Variants in ULK4 observed in about 807,000 individuals in gnomAD.
ULK4 encodes the protein inactive serine/threonine-protein kinase ULK4.
A neutral mutation model predicts 160.6 loss-of-function variants in ULK4; 133 were observed. That is an observed-to-expected ratio of 0.83 (90% CI 0.72 to 0.96). The LOEUF is 0.96. Ranked by LOEUF, ULK4 falls within the 40% of genes least tolerant of loss-of-function variation. The pLI is 0.00. For missense variants in ULK4, 1,580 were observed against 1,499.5 expected (o/e 1.05, Z -0.89); for synonymous variants, 534 against 539.8 (o/e 0.99, Z 0.15).
intron 32 of ULK4, among the ~76,000 whole-genome samples, chr3:41,540,564 C>G (rs188910998): frequency 0.011 from 1,636 of 152,156 alleles, 32 homozygotes; most frequent in African/African-American, 0.037. Flanking sequence ...GTAATGGGAT[C>G]GCTGGGTCAA....
intron 2 of ULK4, among the ~76,000 whole-genome samples, chr3:41,945,655 CT>C (rs892948320): frequency 5.3e-5 from 8 of 152,194 alleles, no homozygotes; most frequent in Admixed American, 2.6e-4. Flanking sequence ...ATTTCCATCC[CT>C]CCAGAAAGCA....
At chr3:41,539,438 T>A (rs1206584687) in intron 32 of ULK4, among the ~76,000 whole-genome samples, 1 of 152,074 alleles carries the variant, frequency 6.6e-6, no homozygotes, top group Non-Finnish European at 1.5e-5. Context: ...CCCTCCACCT[T>A]ATTTTCTGAA....
chr3:41,840,421 G>C (rs987466274), intron 17 of ULK4, among the ~76,000 whole-genome samples: 3 of 152,132 alleles, frequency 2.0e-5, no homozygotes, highest in African/African-American at 7.2e-5. Context: ...TGTTGCCGAG[G>C]CTGGACTGTA....
At chr3:41,282,806 TAATTA>T (rs1262030558) in intron 35 of ULK4, among the ~76,000 whole-genome samples, 4 of 152,220 alleles carry the variant, frequency 2.6e-5, no homozygotes, top group African/African-American at 9.6e-5. Flanking sequence ...AAATGGGATC[TAATTA>T]AATTAAAGAG....
rs566044878 is a variant in ULK4 at position 41,370,273 on chromosome 3, T to C, written c.3678+27806A>G. The stretch of plus-strand genomic sequence containing the variant: ...TATTTTGGAGATGCAATTAATGAAA[T>C]CCATAATGTTTCTAGAAGTGTTTCA... On this transcript the variant is annotated intron_variant, in intron 35 of 36. Transcript: ENST00000301831. Among the ~76,000 whole-genome samples, 33 of 152,080 alleles carry C rather than the reference T, an allele frequency of 2.2e-4. No homozygotes were observed. The South Asian group carries it at 5.0e-3, about 23-fold the overall frequency.
chr3:41,771,100 A>G (rs1269838745), intron 21 of ULK4, among the ~76,000 whole-genome samples: 5 of 152,210 alleles, frequency 3.3e-5, no homozygotes, highest in Non-Finnish European at 7.4e-5. Context: ...AATACGGCTT[A>G]CCATAAGAAT....
intron 32 of ULK4, among the ~76,000 whole-genome samples, chr3:41,473,801 A>G (rs895919589): frequency 1.1e-4 from 16 of 151,856 alleles, no homozygotes; most frequent in Admixed American, 1.0e-3. Flanking sequence ...TGTACCCTGA[A>G]AACTATAGAA....
intron 35 of ULK4, among the ~76,000 whole-genome samples, chr3:41,381,496 C>T (rs1358148946): frequency 5.3e-5 from 8 of 152,202 alleles, no homozygotes; most frequent in Non-Finnish European, 7.4e-5. Flanking sequence ...TCTCTGCCCT[C>T]AAATCAGCTC....
chr3:41,634,852 A>G (rs886723727), intron 30 of ULK4, among the ~76,000 whole-genome samples: 3 of 152,238 alleles, frequency 2.0e-5, no homozygotes, highest in Non-Finnish European at 2.9e-5. Flanking sequence ...TATAACCTTA[A>G]CTGCTGCAAT....
chr3:41,887,144 A>ACCTGGC (rs1697754460), intron 16 of ULK4, among the ~76,000 whole-genome samples: 1 of 152,206 alleles, frequency 6.6e-6, no homozygotes, highest in Admixed American at 6.5e-5. Flanking sequence ...AAAGTCTTGG[A>ACCTGGC]CCTGGCCCTG....
intron 31 of ULK4, among the ~76,000 whole-genome samples, chr3:41,580,163 C>T (rs185046699): frequency 8.5e-5 from 13 of 152,226 alleles, no homozygotes; most frequent in African/African-American, 3.1e-4. Context: ...ATCCTTCTGC[C>T]GCTGTGCATG....
intron 29 of ULK4, among the ~76,000 whole-genome samples, chr3:41,675,231 T>A (rs909486428): frequency 1.3e-5 from 2 of 149,372 alleles, no homozygotes; most frequent in Non-Finnish European, 3.0e-5. Context: ...AAAGCAAGAC[T>A]CCGTCTCAAA....
chr3:41,584,531 C>T (rs556701811), intron 31 of ULK4, among the ~76,000 whole-genome samples: 1 of 152,202 alleles, frequency 6.6e-6, no homozygotes, highest in East Asian at 1.9e-4. Flanking sequence ...AAGTGATCCT[C>T]CTTCCTTGAT....
intron 18 of ULK4, among the ~76,000 whole-genome samples, chr3:41,831,931 T>C (rs963459384): frequency 6.6e-6 from 1 of 152,232 alleles, no homozygotes; most frequent in Non-Finnish European, 1.5e-5. Flanking sequence ...TGCCACATTT[T>C]CTTTATCCAG....
intron 32 of ULK4, among the ~76,000 whole-genome samples, chr3:41,501,634 C>G (rs2085212218): frequency 6.6e-6 from 1 of 152,086 alleles, no homozygotes; most frequent in Non-Finnish European, 1.5e-5. Context: ...ATTCACATAA[C>G]TATCACCTCA....
intron 7 of ULK4, 109 bp downstream of exon 7, chr3:41,918,346 TAA>T (rs1324521020): frequency 2.1e-5 from 14 of 651,884 alleles, no homozygotes; most frequent in Non-Finnish European, 3.3e-5. Context: ...GGATCATTTA[TAA>T]AAGATAACTT....
chr3:41,707,873 T>G (rs889952173), intron 25 of ULK4, among the ~76,000 whole-genome samples: 1 of 151,208 alleles, frequency 6.6e-6, no homozygotes, highest in Admixed American at 6.6e-5. Flanking sequence ...TAGACATTAC[T>G]CGAAAGAAGA....
intron 34 of ULK4, among the ~76,000 whole-genome samples, chr3:41,403,482 CTTCT>C (rs1207159515): frequency 2.6e-5 from 4 of 152,112 alleles, no homozygotes; most frequent in Admixed American, 6.6e-5. Flanking sequence ...TGTCTTCTCT[CTTCT>C]TTGTCAGTTG....
At chr3:41,588,056 T>C (rs1335456885) in intron 31 of ULK4, among the ~76,000 whole-genome samples, 5 of 152,206 alleles carry the variant, frequency 3.3e-5, no homozygotes, top group Non-Finnish European at 7.3e-5. Flanking sequence ...GCTGTTGAAA[T>C]CAGGCTTTGG....
Sources: allele counts gnomAD v4.1 joint callset (sites outside exome capture counted in the v4.1 genomes callset), GRCh38; gene constraint gnomAD v4.1.1; transcripts MANE v1.5; gene names NCBI Gene and HGNC (gene_info 2026-07-23, HGNC 2026-07-21).